PARD3: variants seen among roughly 807,000 people sequenced by gnomAD.
PARD3 encodes the protein partitioning defective 3 homolog.
A neutral mutation model predicts 155.4 loss-of-function variants in PARD3; 75 were observed. The observed-to-expected ratio is 0.48, with a 90% CI of 0.40 to 0.58. PARD3 has a LOEUF of 0.58. Ranked by LOEUF, PARD3 falls within the 20% of genes least tolerant of loss-of-function variation. The probability of loss-of-function intolerance (pLI) is 0.00; values close to 1 mark genes in which losing one functional copy is unlikely to be tolerated. For missense variants in PARD3, 1,642 were observed against 1,721.7 expected (o/e 0.95, Z 0.82); for synonymous variants, 576 against 610.5 (o/e 0.94, Z 0.83).
chr10:34,337,004 T>C (rs900850584), intron 17 of PARD3, among the ~76,000 whole-genome samples: 2 of 152,138 alleles, frequency 1.3e-5, no homozygotes, highest in African/African-American at 4.8e-5. Context: ...AAAATAAAGA[T>C]ACATGGACAT....
At chr10:34,801,948 T>C (rs989695186) in intron 1 of PARD3, among the ~76,000 whole-genome samples, 1 of 152,246 alleles carries the variant, frequency 6.6e-6, no homozygotes, top group Non-Finnish European at 1.5e-5. Context: ...AAAACATCTC[T>C]GCATTTTATT....
intron 1 of PARD3, among the ~76,000 whole-genome samples, chr10:34,726,775 T>A (rs1051147364): frequency 1.5e-5 from 2 of 134,574 alleles, no homozygotes; most frequent in African/African-American, 5.7e-5. Flanking sequence ...AAAAAAAAAG[T>A]GGGGGGAGGC....
In PARD3 at chr10:34,478,399, C is replaced by T. The variant is rs973140046; in HGVS notation, c.404-8136G>A. On this transcript the variant is annotated intron_variant, in intron 3 of 24. Coordinates refer to ENST00000374788, the MANE Select transcript of PARD3 (RefSeq NM_001184785.2). The stretch of plus-strand genomic sequence containing the variant: ...ACAAAAATAAAACGTATCAAAAGTA[C>T]AAGATGCCTATATGTTGCACTTGAA... Among the ~76,000 whole-genome samples, 25 of 152,202 alleles carry T rather than the reference C, an allele frequency of 1.6e-4. 1 individual carries two copies. Among genetic ancestry groups the T allele is most frequent in the African/African-American group, 5.3e-4 (22 of 41,534 alleles).
Position 34,382,562 on chromosome 10 carries a change from C to G in PARD3, c.1377G>C (p.Arg459Ser). 6.2e-7 allele frequency: 1 copy of G among 1,613,078 alleles called. No individual in the cohort carries two copies. The highest frequency in any genetic ancestry group is 8.5e-7 in the Non-Finnish European group (1 of 1,179,912). The stretch of plus-strand genomic sequence containing the variant: ...TACCTTTCTTAAGCTGGATATTAAG[C>G]CTCTTGCCTATTTTTTTGGTGTTAT... Reference protein sequence around the residue: ...SGYNTKKIGKRLNIQLKKGTE... With the variant: ...SGYNTKKIGKSLNIQLKKGTE... The change falls in exon 9 of 25, where the codon AGG becomes AGC. Residue 459 changes from arginine (R) to serine (S), a missense_variant. By Grantham distance (110) the Arg-to-Ser change is moderately radical. Around this residue, in one of 3 missense-constraint regions of PARD3, gnomAD observed 1,529 missense variants for 1,587.3 expected, o/e 0.96. Coordinates refer to ENST00000374788, the MANE Select transcript of PARD3 (RefSeq NM_001184785.2).
At chr10:34,598,978 G>A (rs967097328) in intron 2 of PARD3, among the ~76,000 whole-genome samples, 2 of 152,030 alleles carry the variant, frequency 1.3e-5, no homozygotes, top group East Asian at 1.9e-4. Flanking sequence ...CTCTGCCAGT[G>A]TGGATACCTC....
chr10:34,204,806 C>T (rs1389097050), intron 22 of PARD3, among the ~76,000 whole-genome samples: 1 of 152,174 alleles, frequency 6.6e-6, no homozygotes, highest in African/African-American at 2.4e-5. Flanking sequence ...ATTATGGGCT[C>T]ATAAGCAGAA....
At chr10:34,185,164 G>C (rs899380045) in intron 22 of PARD3, among the ~76,000 whole-genome samples, 2 of 152,184 alleles carry the variant, frequency 1.3e-5, no homozygotes, top group Non-Finnish European at 2.9e-5. Flanking sequence ...ATGTAGATTG[G>C]ATGAGCTATT....
intron 2 of PARD3, among the ~76,000 whole-genome samples, chr10:34,643,443 C>T (rs998474171): frequency 6.6e-6 from 1 of 152,252 alleles, no homozygotes; most frequent in Admixed American, 6.5e-5. Context: ...ACAATAGTGC[C>T]TCTATGGCCA....
intron 4 of PARD3, among the ~76,000 whole-genome samples, chr10:34,451,283 A>G (rs1295469209): frequency 2.6e-5 from 4 of 152,196 alleles, no homozygotes; most frequent in African/African-American, 7.2e-5. Context: ...TTTTAGTTCA[A>G]AGACGAAATC....
At chr10:34,534,813 C>T (rs2083108129) in intron 2 of PARD3, among the ~76,000 whole-genome samples, 1 of 152,152 alleles carries the variant, frequency 6.6e-6, no homozygotes, top group East Asian at 1.9e-4. Context: ...GAATTCAAGA[C>T]TAGCCTGGCC....
chr10:34,406,687 T>C (rs1467444121), intron 5 of PARD3, among the ~76,000 whole-genome samples: 1 of 152,036 alleles, frequency 6.6e-6, no homozygotes, highest in Non-Finnish European at 1.5e-5. Context: ...ACCTCCTCCC[T>C]GGGCTCAGGT....
At chr10:34,373,746 C>T (rs1421292585) in intron 11 of PARD3, among the ~76,000 whole-genome samples, 2 of 152,080 alleles carry the variant, frequency 1.3e-5, no homozygotes, top group African/African-American at 2.4e-5. Flanking sequence ...AACCCTATCA[C>T]TGTCTGAAAT....
chr10:34,349,037 G>A (rs1484197723), intron 14 of PARD3, among the ~76,000 whole-genome samples: 1 of 152,122 alleles, frequency 6.6e-6, no homozygotes, highest in East Asian at 1.9e-4. Flanking sequence ...AACGCAGACT[G>A]TGAGGTTCAC....
chr10:34,450,987 C>T (rs11009790), intron 4 of PARD3, among the ~76,000 whole-genome samples: 67,923 of 152,006 alleles, frequency 0.45, 17,657 homozygotes, highest in African/African-American at 0.72. Flanking sequence ...CACAAGATAG[C>T]AGTCAGCATT....
At chr10:34,218,866 C>T (rs1952142796) in intron 22 of PARD3, among the ~76,000 whole-genome samples, 1 of 152,020 alleles carries the variant, frequency 6.6e-6, no homozygotes, top group South Asian at 2.1e-4. Flanking sequence ...CCTAACTGTT[C>T]TATAATCAGT....
chr10:34,311,850 A>G (rs1224993637), intron 20 of PARD3, among the ~76,000 whole-genome samples: 1 of 152,110 alleles, frequency 6.6e-6, no homozygotes, highest in Non-Finnish European at 1.5e-5. Context: ...TCATGAATCT[A>G]TCCGTTGCAT....
At chr10:34,179,197 CACAT>C (rs374351317) in intron 22 of PARD3, among the ~76,000 whole-genome samples, 11,929 of 150,100 alleles carry the variant, frequency 0.079, 1,218 homozygotes, top group African/African-American at 0.25. Flanking sequence ...CACACACACA[CACAT>C]ATAAAATTTA....
rs558423569 is a variant in PARD3 at position 34,572,013 on chromosome 10, A to C, written c.223-54854T>G. Reference sequence around the variant, plus strand: ...TTACCCAAGCAACTAGAATTTCTACAAAAAAAGACATTTTTCAAATTGTCA... The same window carrying C: ...TTACCCAAGCAACTAGAATTTCTACCAAAAAAGACATTTTTCAAATTGTCA... On this transcript the variant is annotated intron_variant, in intron 2 of 24. Transcript: ENST00000374788. Among the ~76,000 whole-genome samples, 18 of 152,316 alleles carry C rather than the reference A, an allele frequency of 1.2e-4. No individual in the cohort carries two copies. The South Asian group carries it at 3.7e-3, about 32-fold the overall frequency.
chr10:34,382,895 C>T lies in PARD3; in HGVS notation c.1044G>A (p.Met348Ile). The change falls in exon 9 of 25, where the codon ATG becomes ATA. Residue 348 changes from methionine to isoleucine, a missense_variant. Met to Ile is a conservative substitution (Grantham distance 10). Around this residue, in one of 3 missense-constraint regions of PARD3, gnomAD observed 1,529 missense variants for 1,587.3 expected, o/e 0.96. Coordinates refer to ENST00000374788, the MANE Select transcript of PARD3 (RefSeq NM_001184785.2). The part of the protein sequence containing the change: ...EQAQHMFRQA[M>I]RTPIIWFHVV... ...CATGGAACCAAATGATGGGTGTACG[C>T]ATGGCTTGGCGAAACATATGTTGTG... The T allele has an allele frequency of 6.2e-7, 1 of 1,614,022 alleles. No homozygotes were observed. Among genetic ancestry groups the T allele is most frequent in the Non-Finnish European group, 8.5e-7 (1 of 1,179,984 alleles).
Sources: allele counts gnomAD v4.1 joint callset (sites outside exome capture counted in the v4.1 genomes callset), GRCh38; gene constraint gnomAD v4.1.1; regional missense constraint gnomAD v4.1.1; transcripts MANE v1.5; gene names NCBI Gene and HGNC (gene_info 2026-07-23, HGNC 2026-07-21).